ATG14: variants seen among roughly 807,000 people sequenced by gnomAD.
ATG14 encodes autophagy related 14, also known as beclin 1-associated autophagy-related key regulator.
ATG14 carries 35 observed loss-of-function variants against 60.4 expected under a neutral mutation model. The ratio of observed to expected loss-of-function variants is 0.58; its 90% CI spans 0.44 to 0.77. The LOEUF (loss-of-function observed/expected upper bound fraction) is 0.77, where lower values mean the gene tolerates loss of function less well. Ranked by LOEUF, ATG14 falls within the 30% of genes least tolerant of loss-of-function variation. The probability of loss-of-function intolerance (pLI) is 0.00; values close to 1 mark genes in which losing one functional copy is unlikely to be tolerated. For synonymous variants in ATG14, 234 were observed against 228.8 expected, an observed-to-expected ratio of 1.02 and a Z score of -0.21; for missense variants, 647 against 626.3, an observed-to-expected ratio of 1.03 and a Z score of -0.35.
intron 6 of ATG14, among the ~76,000 whole-genome samples, 165 bp from the exon 7 acceptor site, chr14:55,380,855 G>GTA (rs1555341865): frequency 0.015 from 1,721 of 117,978 alleles, 27 homozygotes; most frequent in Middle Eastern, 0.032. Context: ...TTCTTTGTGT[G>GTA]TATATATATA....
intron 3 of ATG14, among the ~76,000 whole-genome samples, chr14:55,393,844 CCAGCG>C (rs1183642137): frequency 6.6e-6 from 1 of 151,396 alleles, no homozygotes; most frequent in Non-Finnish European, 1.5e-5. Flanking sequence ...ACCACCACAC[CCAGCG>C]CAGATTTTAT....
intron 4 of ATG14, 67 bp downstream of exon 4, chr14:55,390,839 CTAGTT>C (rs1350039927): frequency 9.4e-7 from 1 of 1,061,078 alleles, no homozygotes; most frequent in African/African-American, 1.6e-5. Flanking sequence ...CTGTGTCCCT[CTAGTT>C]TATTAATCCC....
intron 9 of ATG14, among the ~76,000 whole-genome samples, chr14:55,370,314 G>C (rs369563173): frequency 6.6e-6 from 1 of 152,170 alleles, no homozygotes; most frequent in Admixed American, 6.5e-5. Context: ...AAAGCCACTT[G>C]ATGTATACTC....
chr14:55,386,864 T>TG (rs1475040664), intron 4 of ATG14, among the ~76,000 whole-genome samples: 1 of 152,212 alleles, frequency 6.6e-6, no homozygotes, highest in Non-Finnish European at 1.5e-5. Flanking sequence ...CAGACAGATA[T>TG]CTAGGAGTTG....
chr14:55,390,899 C>T lies in ATG14; in HGVS notation c.409+12G>A, dbSNP rs757779645. On this transcript the variant is annotated intron_variant, in intron 4 of 9. Coordinates refer to ENST00000247178, the MANE Select transcript of ATG14 (RefSeq NM_014924.5). ...CTTTCTAGGGCTGGAAGGAAGGACA[C>T]GAATTACTTACTTTTCTCCATTTCT... 24 of 1,551,240 alleles carry T rather than the reference C, an allele frequency of 1.5e-5. No individual in the cohort carries two copies. Among genetic ancestry groups the T allele is most frequent in the African/African-American group, 5.4e-5 (4 of 73,804 alleles).
In ATG14 at chr14:55,366,391, T is replaced by TA. The variant is rs1884679538; in HGVS notation, c.*3227dup. On this transcript the variant is annotated 3_prime_UTR_variant, in exon 10 of 10. Transcript: ENST00000247178. ...GAAAAAGACATACACATGAGCAAAG[T>TA]ACTGTTAAAAGATTTATTGCAGTAA... 6.6e-6 allele frequency: 1 copy of TA among 152,628 alleles called. No individual in the cohort carries two copies. Among genetic ancestry groups the TA allele is most frequent in the African/African-American group, 2.4e-5 (1 of 41,444 alleles). The allele number at this position is 152,628 out of a possible 1,614,324, so 9.5% of individuals were successfully genotyped here.
At chr14:55,403,676 C>G (rs986999916) in intron 1 of ATG14, among the ~76,000 whole-genome samples, 1 of 151,858 alleles carries the variant, frequency 6.6e-6, no homozygotes, top group African/African-American at 2.4e-5. Flanking sequence ...GACAAAACAA[C>G]AACAACATCA....
intron 1 of ATG14, among the ~76,000 whole-genome samples, chr14:55,405,702 C>T (rs533100728): frequency 1.3e-5 from 2 of 152,304 alleles, no homozygotes; most frequent in African/African-American, 4.8e-5. Flanking sequence ...AATACATAAT[C>T]CATACAGTTC....
chr14:55,394,226 C>T (rs761663277), intron 3 of ATG14, among the ~76,000 whole-genome samples: 16 of 151,802 alleles, frequency 1.1e-4, no homozygotes, highest in Middle Eastern at 3.4e-3. Context: ...AGGCTGGTCT[C>T]GAACTCCTGA....
rs972270686 is a variant in ATG14, at chr14:55,367,247, A to C, written c.*2372T>G. ...TCTCCACCACCAAGCTCCAAATCCC[A>C]CTCTTACAACTCGTGAGACTAAGCT... On this transcript the variant is annotated 3_prime_UTR_variant, in exon 10 of 10. Coordinates refer to ENST00000247178, the MANE Select transcript of ATG14 (RefSeq NM_014924.5). 1.3e-5 allele frequency: 2 copies of C among 152,032 alleles called. No individual in the cohort carries two copies. The highest frequency in any genetic ancestry group is 2.9e-5 in the Non-Finnish European group (2 of 68,008). 9.4% of individuals were successfully genotyped at this position (152,032 alleles called of 1,614,324 possible).
intron 9 of ATG14, among the ~76,000 whole-genome samples, chr14:55,373,349 A>G (rs1884858289): frequency 6.6e-6 from 1 of 152,220 alleles, no homozygotes; most frequent in African/African-American, 2.4e-5. Flanking sequence ...TATTTCAAAT[A>G]TGTGGGAGTG....
chr14:55,369,718 C>T lies in ATG14; in HGVS notation c.1380G>A (p.Gln460=). 1 of 1,612,340 alleles carries T rather than the reference C, an allele frequency of 6.2e-7. No individual in the cohort carries two copies. Among genetic ancestry groups the T allele is most frequent in the Non-Finnish European group, 8.5e-7 (1 of 1,178,702 alleles). The change falls in exon 10 of 10, where the codon CAG becomes CAA. Residue 460 remains glutamine, a synonymous_variant. Coordinates refer to ENST00000247178, the MANE Select transcript of ATG14 (RefSeq NM_014924.5). ...TGCTGCTCGCGATGGGTGGGGACGC[C>T]TGGGTGCTCTGACTCTGGGAGACTT... The part of the protein sequence containing the change: ...SVEVSQSQST[Q]ASPPIASSSA...
At chr14:55,380,855 G>GTATATATATATATA (rs1555341865) in intron 6 of ATG14, among the ~76,000 whole-genome samples, 165 bp from the exon 7 acceptor site, 3 of 118,084 alleles carry the variant, frequency 2.5e-5, no homozygotes, top group African/African-American at 1.0e-4. Flanking sequence ...TTCTTTGTGT[G>GTATATATATATATA]TATATATATA....
chr14:55,400,817 T>C (rs1054965413), intron 1 of ATG14, among the ~76,000 whole-genome samples: 5 of 151,912 alleles, frequency 3.3e-5, no homozygotes, highest in Admixed American at 3.3e-4. Flanking sequence ...GGCAGGAGAA[T>C]TGCTTGAACC....
intron 1 of ATG14, among the ~76,000 whole-genome samples, chr14:55,402,684 T>C (rs1363125350): frequency 6.6e-6 from 1 of 151,282 alleles, no homozygotes; most frequent in Non-Finnish European, 1.5e-5. Flanking sequence ...TTTTTAACTT[T>C]ATGTTAGAAT....
intron 6 of ATG14, among the ~76,000 whole-genome samples, chr14:55,381,671 C>T (rs1885036189): frequency 6.6e-6 from 1 of 152,138 alleles, no homozygotes; most frequent in South Asian, 2.1e-4. Context: ...TTCTGTGATT[C>T]CATTTATATA....
intron 4 of ATG14, among the ~76,000 whole-genome samples, chr14:55,388,948 CTT>C (rs913362225): frequency 6.7e-6 from 1 of 148,922 alleles, no homozygotes; most frequent in East Asian, 2.0e-4. Flanking sequence ...CACGTTGAAG[CTT>C]TTTTTTTTCA....
Position 55,368,706 on chromosome 14 carries a change from A to G in ATG14, c.*913T>C, listed in dbSNP as rs964441331. ...TCAATCCCATAGAAAGAAAGTGGACACCACAAGAATGACCAGAGGCCACTT... is the reference window on the plus strand; with the variant it reads ...TCAATCCCATAGAAAGAAAGTGGACGCCACAAGAATGACCAGAGGCCACTT... On this transcript the variant is annotated 3_prime_UTR_variant, in exon 10 of 10. Coordinates refer to ENST00000247178, the MANE Select transcript of ATG14 (RefSeq NM_014924.5). 1.3e-5 allele frequency: 2 copies of G among 152,202 alleles called. No individual in the cohort carries two copies. Among genetic ancestry groups the G allele is most frequent in the Admixed American group, 6.5e-5 (1 of 15,286 alleles). The allele number at this position is 152,202 out of a possible 1,614,324, so 9.4% of individuals were successfully genotyped here. A position where few individuals can be genotyped will look rare whatever the true frequency, so the allele number is the denominator to read the frequency against.
chr14:55,411,624 A>T lies in ATG14; in HGVS notation c.199T>A (p.Phe67Ile), dbSNP rs1220618626. 1 of 1,611,766 alleles carries T rather than the reference A, an allele frequency of 6.2e-7. No individual in the cohort carries two copies. Among genetic ancestry groups the T allele is most frequent in the African/African-American group, 1.3e-5 (1 of 74,930 alleles). The change falls in exon 1 of 10, where the codon TTC becomes ATC. Residue 67 changes from phenylalanine to isoleucine, a missense_variant. Physicochemically the swap from Phe to Ile is conservative, Grantham distance 21. Transcript: ENST00000247178. Reference protein sequence around the residue: ...KCVQSGDFVYFDGRDRERFID... With the variant: ...KCVQSGDFVYIDGRDRERFID... ...TACCTCTCCCGGTCGCGGCCGTCGA[A>T]GTAGACGAAATCGCCGCTCTGAACG...
Sources: allele counts gnomAD v4.1 joint callset (sites outside exome capture counted in the v4.1 genomes callset), GRCh38; gene constraint gnomAD v4.1.1; transcripts MANE v1.5; gene names NCBI Gene and HGNC (gene_info 2026-07-23, HGNC 2026-07-21).